Variants in RBPJ observed in about 807,000 individuals in gnomAD.
RBPJ encodes recombining binding protein suppressor of hairless.
A neutral mutation model predicts 67.8 loss-of-function variants in RBPJ; 9 were observed. The ratio of observed to expected loss-of-function variants is 0.13; its 90% CI spans 0.08 to 0.23. RBPJ has a LOEUF of 0.23. Among genes scored for constraint, RBPJ ranks in the 10% least tolerant of loss-of-function variants. RBPJ has a pLI of 1.00. For missense variants in RBPJ, 305 were observed against 595.6 expected (o/e 0.51, Z 5.08); for synonymous variants, 198 against 203.3 (o/e 0.97, Z 0.22).
chr4:26,159,531 T>C (rs1340101963), upstream of RBPJ, among the ~76,000 whole-genome samples: 1 of 152,210 alleles, frequency 6.6e-6, no homozygotes, highest in African/African-American at 2.4e-5. Flanking sequence ...GTGAGAAAAT[T>C]TCCCAAAGTG....
intron 1 of RBPJ, among the ~76,000 whole-genome samples, chr4:26,175,476 C>T (rs954121493): frequency 9.2e-5 from 14 of 152,326 alleles, no homozygotes; most frequent in Admixed American, 7.8e-4. Flanking sequence ...CGCATCACAT[C>T]GCAGGTTTCC....
chr4:26,400,099 C>T (rs887170608), intron 2 of RBPJ, among the ~76,000 whole-genome samples: 7 of 152,114 alleles, frequency 4.6e-5, no homozygotes, highest in East Asian at 3.8e-4. Context: ...AGTAATTCTA[C>T]GGTCAAGGAT....
At chr4:26,397,408 G>A (rs925454269) in intron 2 of RBPJ, among the ~76,000 whole-genome samples, 8 of 152,112 alleles carry the variant, frequency 5.3e-5, no homozygotes, top group African/African-American at 1.9e-4. Context: ...GTCAAGTTTT[G>A]AGGAAGAATT....
At position 26,433,604 on chromosome 4, in the gene RBPJ, T is replaced by A. The variant is rs530341933; in HGVS notation, c.*2597T>A. 6.6e-6 allele frequency: 1 copy of A among 152,344 alleles called. No homozygotes were observed. Among genetic ancestry groups the A allele is most frequent in the South Asian group, 2.1e-4 (1 of 4,828 alleles). 9.4% of individuals were successfully genotyped at this position (152,344 alleles called of 1,614,324 possible). A position where few individuals can be genotyped will look rare whatever the true frequency, so the allele number is the denominator to read the frequency against. ...TATTATACTGTAAACCCTTTTCTTTTCTTTTTTTGAAAAGTCCAAGAATGT... is the reference window on the plus strand; with the variant it reads ...TATTATACTGTAAACCCTTTTCTTTACTTTTTTTGAAAAGTCCAAGAATGT... On this transcript the variant is annotated 3_prime_UTR_variant, in exon 11 of 11. Transcript: ENST00000355476.
chr4:26,386,527 C>A, intron 2 of RBPJ, 136 bp downstream of exon 2: 1 of 570,576 alleles, frequency 1.8e-6, no homozygotes, highest in Non-Finnish European at 3.0e-6. Context: ...TATTCTCAAA[C>A]TTCCTTTCCC....
intron 1 of RBPJ, among the ~76,000 whole-genome samples, chr4:26,360,827 CT>C (rs1727975410): frequency 6.6e-6 from 1 of 150,430 alleles, no homozygotes; most frequent in South Asian, 2.1e-4. Context: ...CCAGGCTGGT[CT>C]CAAACTCCTG....
intron 3 of RBPJ, among the ~76,000 whole-genome samples, chr4:26,409,492 A>G (rs981733144): frequency 4.6e-5 from 7 of 152,050 alleles, no homozygotes; most frequent in Admixed American, 4.6e-4. Flanking sequence ...TTATTGTAGT[A>G]GCTTTTATTT....
chr4:26,187,419 T>A (rs949226793), intron 1 of RBPJ, among the ~76,000 whole-genome samples: 1 of 152,142 alleles, frequency 6.6e-6, no homozygotes. Flanking sequence ...TGAGTGAAAC[T>A]TTTTTCCTCT....
chr4:26,198,525 A>G (rs1348842851), intron 1 of RBPJ, among the ~76,000 whole-genome samples: 1 of 152,226 alleles, frequency 6.6e-6, no homozygotes, highest in Non-Finnish European at 1.5e-5. Flanking sequence ...TAATAATAAT[A>G]ATGATAACAG....
At chr4:26,419,479 T>G (rs891020218) in intron 4 of RBPJ, among the ~76,000 whole-genome samples, 1 of 152,214 alleles carries the variant, frequency 6.6e-6, no homozygotes, top group Non-Finnish European at 1.5e-5. Flanking sequence ...CTACCGAGGC[T>G]GTCTGTGAAT....
At chr4:26,260,061 C>A (rs1407494740) in intron 1 of RBPJ, among the ~76,000 whole-genome samples, 2 of 152,152 alleles carry the variant, frequency 1.3e-5, no homozygotes, top group African/African-American at 4.8e-5. Flanking sequence ...CTTGTTCAGA[C>A]ATATTATAGC....
intron 1 of RBPJ, among the ~76,000 whole-genome samples, chr4:26,244,199 C>A (rs1219143912): frequency 2.9e-5 from 3 of 104,950 alleles, no homozygotes; most frequent in East Asian, 3.1e-4. Flanking sequence ...ATATATGTGT[C>A]TATATATGTA....
chr4:26,207,549 T>C (rs1382493717), intron 1 of RBPJ, among the ~76,000 whole-genome samples: 1 of 152,196 alleles, frequency 6.6e-6, no homozygotes, highest in Non-Finnish European at 1.5e-5. Context: ...GGAGAACATG[T>C]GAGCTAAGGA....
chr4:26,149,465 G>C, the RBPJ span, among the ~76,000 whole-genome samples: 1 of 152,178 alleles, frequency 6.6e-6, no homozygotes, highest in Admixed American at 6.5e-5. Flanking sequence ...AGCTGCTATT[G>C]TTCGGATGTA....
At chr4:26,434,934 G>A (rs975496259), downstream of RBPJ, 4 of 152,326 alleles carry the variant, frequency 2.6e-5, no homozygotes, top group East Asian at 3.9e-4. Context: ...GTCTTCTGTC[G>A]AATGTGCCTG....
intron 1 of RBPJ, among the ~76,000 whole-genome samples, chr4:26,334,493 A>C (rs571257633): frequency 1.3e-5 from 2 of 152,164 alleles, no homozygotes; most frequent in Admixed American, 1.3e-4. Context: ...CCTTTTGTAC[A>C]AAGGAGAGCA....
chr4:26,431,256 A>C lies in RBPJ; in HGVS notation c.*249A>C, dbSNP rs2109845683. On this transcript the variant is annotated 3_prime_UTR_variant, in exon 11 of 11. Transcript: ENST00000355476. The stretch of plus-strand genomic sequence containing the variant: ...ATAAATATTGGAAATCAAGTTTTTC[A>C]GCTGTTTTGTTGGTTGGTTGGTTGG... 1 of 358,494 alleles carries C rather than the reference A, an allele frequency of 2.8e-6. No homozygotes were observed. The highest frequency in any genetic ancestry group is 2.1e-5 in the African/African-American group (1 of 46,610). 22.2% of individuals were successfully genotyped at this position (358,494 alleles called of 1,614,324 possible). A position where few individuals can be genotyped will look rare whatever the true frequency, so the allele number is the denominator to read the frequency against.
chr4:26,412,778 C>T (rs2109773689), intron 3 of RBPJ, among the ~76,000 whole-genome samples: 1 of 152,252 alleles, frequency 6.6e-6, no homozygotes, highest in East Asian at 1.9e-4. Flanking sequence ...TCTCAACCTC[C>T]TGAGAGTGTG....
intron 1 of RBPJ, among the ~76,000 whole-genome samples, chr4:26,279,921 G>A (rs1264133095): frequency 6.6e-6 from 1 of 151,260 alleles, no homozygotes; most frequent in African/African-American, 2.4e-5. Context: ...CCAAGTAGCT[G>A]GGACCACAGG....
Sources: gnomAD v4.1 joint callset for allele counts (sites outside exome capture counted in the v4.1 genomes callset) on GRCh38, gnomAD v4.1.1 for gene constraint, MANE v1.5 for transcripts, NCBI Gene and HGNC (gene_info 2026-07-23, HGNC 2026-07-21) for gene names.